Variants in SLC14A2 observed in about 807,000 individuals in gnomAD.
SLC14A2 encodes solute carrier family 14 member 2.
In SLC14A2, 91 loss-of-function variants were observed where a neutral mutation model predicts 104.6. The observed-to-expected ratio is 0.87, with a 90% confidence interval of 0.73 to 1.04. The LOEUF (loss-of-function observed/expected upper bound fraction) is 1.04, where lower values mean the gene tolerates loss of function less well. SLC14A2 is among the 50% of genes least tolerant of loss of function. The probability of loss-of-function intolerance (pLI) is 0.00; values close to 1 mark genes in which losing one functional copy is unlikely to be tolerated. For synonymous variants in SLC14A2, 476 were observed against 466.4 expected, an observed-to-expected ratio of 1.02 and a Z score of -0.27; for missense variants, 1,189 against 1,156.0, an observed-to-expected ratio of 1.03 and a Z score of -0.41.
chr18:45,354,401 G>A (rs1357026184), intron 1 of SLC14A2, among the ~76,000 whole-genome samples: 3 of 152,194 alleles, frequency 2.0e-5, no homozygotes, highest in Non-Finnish European at 4.4e-5. Flanking sequence ...CAGCAGGGGT[G>A]GCTGTGACCC....
In SLC14A2 at chr18:45,643,999, C is replaced by G. The variant is rs2045577362; in HGVS notation, c.1190C>G (p.Pro397Arg). 6.2e-7 allele frequency: 1 copy of G among 1,613,888 alleles called. No individual in the cohort carries two copies. The highest frequency in any genetic ancestry group is 8.5e-7 in the Non-Finnish European group (1 of 1,179,880). ...TTTTGTTTCCAGGTGGGCGTGCCAC[C>G]AGGCACCTGGGCCTTCTGCCTTGCC... is the stretch of plus-strand genomic sequence containing the variant. ...SNIMSVVGVP[P>R]GTWAFCLATI... Residue 397 changes from proline (P) to arginine (R), a missense_variant, in exon 10 of 20, where the codon CCA becomes CGA. Physicochemically the swap from Pro to Arg is moderately radical, Grantham distance 103. Transcript: ENST00000255226.
intron 2 of SLC14A2, among the ~76,000 whole-genome samples, chr18:45,495,112 C>T (rs12957697): frequency 0.15 from 22,694 of 151,996 alleles, 1,794 homozygotes; most frequent in Middle Eastern, 0.24. Context: ...TGCATCCTGT[C>T]TGACTCTCTC....
chr18:45,181,353 C>G, the SLC14A2 span: 1 of 152,236 alleles, frequency 6.6e-6, no homozygotes, highest in African/African-American at 2.4e-5. Context: ...CAGAGGCTCT[C>G]TTTGGATCAA....
intron 1 of SLC14A2, among the ~76,000 whole-genome samples, chr18:45,262,157 A>G (rs1468338075): frequency 1.3e-5 from 2 of 152,356 alleles, no homozygotes; most frequent in South Asian, 2.1e-4. Context: ...TCTGATGGCC[A>G]GTGATGAATC....
At chr18:45,358,895 A>C (rs1455478555) in intron 1 of SLC14A2, among the ~76,000 whole-genome samples, 1 of 152,156 alleles carries the variant, frequency 6.6e-6, no homozygotes, top group Non-Finnish European at 1.5e-5. Context: ...CCACAATTAA[A>C]TGTACAATGT....
chr18:45,286,203 A>G (rs1336875312), intron 1 of SLC14A2, among the ~76,000 whole-genome samples: 1 of 152,194 alleles, frequency 6.6e-6, no homozygotes, highest in Non-Finnish European at 1.5e-5. Context: ...GGAACTGCCC[A>G]GCCACCTTTA....
chr18:45,459,123 A>G (rs1157157246), intron 1 of SLC14A2, among the ~76,000 whole-genome samples: 2 of 152,044 alleles, frequency 1.3e-5, no homozygotes, highest in African/African-American at 2.4e-5. Context: ...TTAGAATCCA[A>G]ACTCTCCCCA....
chr18:45,504,780 G>A (rs1027316679), intron 2 of SLC14A2, among the ~76,000 whole-genome samples: 3 of 152,206 alleles, frequency 2.0e-5, no homozygotes, highest in African/African-American at 7.2e-5. Context: ...AAACACAAAT[G>A]AGGATTCAGT....
At chr18:45,219,736 C>G (rs1403256303) in intron 1 of SLC14A2, among the ~76,000 whole-genome samples, 3 of 152,042 alleles carry the variant, frequency 2.0e-5, no homozygotes, top group African/African-American at 7.2e-5. Context: ...TAAGTAAATA[C>G]CTTTAGTTTA....
chr18:45,327,076 C>T (rs916855343), intron 1 of SLC14A2, among the ~76,000 whole-genome samples: 1 of 152,110 alleles, frequency 6.6e-6, no homozygotes, highest in South Asian at 2.1e-4. Context: ...CTAGCTTTCT[C>T]ATTAGGAAAT....
Position 45,669,494 on chromosome 18 carries a change from C to T in SLC14A2, c.2225C>T (p.Pro742Leu), listed in dbSNP as rs1173441791. ...PNITWSEVQV[P>L]LLLRAIPVGI... ...ATCACCTGGTCAGAGGTCCAAGTGC[C>T]CTTGGTACGTATCATGGAAGGAGGA... is the stretch of plus-strand genomic sequence containing the variant. Residue 742 changes from proline to leucine, a missense_variant, in exon 16 of 20, where the codon CCC becomes CTC. Physicochemically the swap from Pro to Leu is moderately conservative, Grantham distance 98. Transcript: ENST00000255226. The T allele has an allele frequency of 6.2e-7, 1 of 1,612,510 alleles. No individual in the cohort carries two copies. The highest frequency in any genetic ancestry group is 8.5e-7 in the Non-Finnish European group (1 of 1,178,924).
intron 10 of SLC14A2, among the ~76,000 whole-genome samples, chr18:45,662,586 A>G (rs1191833245): frequency 6.6e-6 from 1 of 152,112 alleles, no homozygotes; most frequent in East Asian, 1.9e-4. Context: ...TGCAGAGAAA[A>G]GGATTGGGAG....
At chr18:45,199,951 A>G in the SLC14A2 span, among the ~76,000 whole-genome samples, 2 of 152,130 alleles carry the variant, frequency 1.3e-5, no homozygotes, top group Non-Finnish European at 2.9e-5. Context: ...TCTGTGTCCG[A>G]TCAGGAGTCC....
intron 1 of SLC14A2, among the ~76,000 whole-genome samples, chr18:45,249,744 G>GT (rs1269718260): frequency 6.6e-6 from 1 of 152,116 alleles, no homozygotes; most frequent in African/African-American, 2.4e-5. Context: ...GAGTCCAGGA[G>GT]TTCAAGACTA....
At chr18:45,468,881 A>C (rs1486836598) in intron 1 of SLC14A2, among the ~76,000 whole-genome samples, 2 of 152,254 alleles carry the variant, frequency 1.3e-5, no homozygotes, top group African/African-American at 2.4e-5. Context: ...AATATAGAAG[A>C]AGCACAAGAC....
chr18:45,509,386 G>A (rs900801973), intron 2 of SLC14A2, among the ~76,000 whole-genome samples: 2 of 151,440 alleles, frequency 1.3e-5, no homozygotes, highest in Admixed American at 1.3e-4. Context: ...TTTCTCTCTC[G>A]CTACCTCTGT....
At chr18:45,602,357 G>A (rs964039639) in intron 2 of SLC14A2, among the ~76,000 whole-genome samples, 7 of 152,218 alleles carry the variant, frequency 4.6e-5, no homozygotes, top group Non-Finnish European at 8.8e-5. Context: ...GGGATAGAAT[G>A]AGGGCACTGG....
chr18:45,570,325 C>CCTAT (rs10694151), intron 2 of SLC14A2, among the ~76,000 whole-genome samples: 3,585 of 152,262 alleles, frequency 0.024, 159 homozygotes, highest in African/African-American at 0.082. Context: ...TACACCCTCA[C>CCTAT]CTATCTCACC....
intron 1 of SLC14A2, among the ~76,000 whole-genome samples, chr18:45,404,314 G>A (rs1412619537): frequency 1.3e-5 from 2 of 152,094 alleles, no homozygotes; most frequent in Admixed American, 6.5e-5. Context: ...TTTGTATTAT[G>A]TAATAGTAAG....
Sources: allele counts gnomAD v4.1 joint callset (sites outside exome capture counted in the v4.1 genomes callset), GRCh38; gene constraint gnomAD v4.1.1; transcripts MANE v1.5; gene names NCBI Gene and HGNC (gene_info 2026-07-23, HGNC 2026-07-21).